EXOC4: variants seen among roughly 807,000 people sequenced by gnomAD.
EXOC4 encodes exocyst complex component 4, also known as SEC8-like 1.
In EXOC4, 71 loss-of-function variants were observed where a neutral mutation model predicts 107.2. That is an observed-to-expected ratio of 0.66 (90% CI 0.55 to 0.81). The LOEUF (loss-of-function observed/expected upper bound fraction) is 0.81, where lower values mean the gene tolerates loss of function less well. Among genes scored for constraint, EXOC4 ranks in the 30% least tolerant of loss-of-function variants. EXOC4 has a pLI of 0.00. For missense variants in EXOC4, 1,108 were observed against 1,189.6 expected (o/e 0.93, Z 1.01); for synonymous variants, 456 against 441.2 (o/e 1.03, Z -0.42).
At chr7:133,808,054 TTACAAA>T (rs1235042199) in intron 10 of EXOC4, among the ~76,000 whole-genome samples, 1 of 152,214 alleles carries the variant, frequency 6.6e-6, no homozygotes, top group Non-Finnish European at 1.5e-5. Flanking sequence ...ATTGCACACA[TTACAAA>T]TAAGAGCACC....
rs202236732 is a variant in EXOC4, at chr7:133,832,943, A to G, written c.1734+15399A>G. On this transcript the variant is annotated intron_variant, in intron 11 of 17. Coordinates refer to ENST00000253861, the MANE Select transcript of EXOC4 (RefSeq NM_021807.4). The stretch of plus-strand genomic sequence containing the variant: ...ATATAACATGTAAACTGTTGAATCT[A>G]CATAAGAAAAAGGCAAAAGTAAAAA... 1.8e-4 allele frequency among the ~76,000 whole-genome samples: 28 copies of G among 152,320 alleles called. No homozygotes were observed. In the East Asian group the frequency reaches 5.0e-3, roughly 27 times the overall value.
intron 10 of EXOC4, among the ~76,000 whole-genome samples, chr7:133,769,375 T>C (rs1014308402): frequency 2.0e-5 from 3 of 151,904 alleles, no homozygotes; most frequent in Admixed American, 2.0e-4. Context: ...ACCTACCCAG[T>C]GGTTAGGCTA....
chr7:133,460,742 TAGAC>T (rs1798572508), intron 7 of EXOC4, among the ~76,000 whole-genome samples: 1 of 152,150 alleles, frequency 6.6e-6, no homozygotes, highest in Non-Finnish European at 1.5e-5. Flanking sequence ...CCTTATTTCA[TAGAC>T]AGAATCTTGT....
chr7:133,547,499 T>A (rs1800504697), intron 9 of EXOC4, among the ~76,000 whole-genome samples: 1 of 152,030 alleles, frequency 6.6e-6, no homozygotes, highest in South Asian at 2.1e-4. Context: ...TTATGAAAAA[T>A]TTCTCTGTAG....
intron 9 of EXOC4, among the ~76,000 whole-genome samples, chr7:133,627,553 C>A (rs1022319200): frequency 6.6e-6 from 1 of 152,084 alleles, no homozygotes; most frequent in East Asian, 1.9e-4. Flanking sequence ...CTATACACAT[C>A]TCTTTCATGA....
At chr7:133,403,988 C>T (rs1310124141) in intron 7 of EXOC4, among the ~76,000 whole-genome samples, 1 of 152,174 alleles carries the variant, frequency 6.6e-6, no homozygotes, top group Admixed American at 6.5e-5. Flanking sequence ...GCACTGGTCT[C>T]TCTCCCTGGC....
intron 10 of EXOC4, among the ~76,000 whole-genome samples, chr7:133,746,016 G>C (rs1795669746): frequency 6.6e-6 from 1 of 151,946 alleles, no homozygotes; most frequent in Non-Finnish European, 1.5e-5. Context: ...TAAAACATTA[G>C]CTCAGCTTTG....
At chr7:133,870,483 T>G (rs1435639341) in intron 11 of EXOC4, among the ~76,000 whole-genome samples, 1 of 152,214 alleles carries the variant, frequency 6.6e-6, no homozygotes, top group Non-Finnish European at 1.5e-5. Context: ...TTTTTCTCAG[T>G]GCTACATCCA....
the EXOC4 span, among the ~76,000 whole-genome samples, chr7:134,084,110 G>A: frequency 6.6e-6 from 1 of 152,168 alleles, no homozygotes; most frequent in Non-Finnish European, 1.5e-5. Flanking sequence ...AAGGCCGTTT[G>A]CTGTGAAAGA....
intron 10 of EXOC4, among the ~76,000 whole-genome samples, chr7:133,720,656 A>G (rs973842007): frequency 6.6e-6 from 1 of 152,246 alleles, no homozygotes; most frequent in African/African-American, 2.4e-5. Context: ...ATAAATTTCA[A>G]GAGAGTCAGG....
At chr7:133,913,493 C>A (rs946190074) in intron 12 of EXOC4, among the ~76,000 whole-genome samples, 1 of 152,086 alleles carries the variant, frequency 6.6e-6, no homozygotes, top group Non-Finnish European at 1.5e-5. Flanking sequence ...TAGCAGTGAA[C>A]CTGGACAGGA....
intron 6 of EXOC4, among the ~76,000 whole-genome samples, chr7:133,369,223 C>T (rs1209045752): frequency 1.3e-5 from 2 of 152,178 alleles, no homozygotes; most frequent in African/African-American, 4.8e-5. Context: ...GATTTACATC[C>T]TGTTTATGTG....
intron 10 of EXOC4, among the ~76,000 whole-genome samples, chr7:133,779,334 C>T (rs1027870924): frequency 6.6e-6 from 1 of 151,954 alleles, no homozygotes; most frequent in Non-Finnish European, 1.5e-5. Context: ...CTCAATACTA[C>T]TAACTCTTAT....
intron 14 of EXOC4, among the ~76,000 whole-genome samples, chr7:133,963,854 C>T (rs1455262688): frequency 1.3e-5 from 2 of 152,126 alleles, no homozygotes; most frequent in African/African-American, 4.8e-5. Flanking sequence ...GGGCCATTAT[C>T]TACATAAGAC....
chr7:133,676,963 G>GTGTGTA (rs1290608209), intron 10 of EXOC4, among the ~76,000 whole-genome samples: 13 of 148,944 alleles, frequency 8.7e-5, no homozygotes, highest in Non-Finnish European at 1.5e-4. Context: ...GTGTATGTGT[G>GTGTGTA]TGTGTGTGTG....
chr7:133,330,030 C>T (rs1488789194), intron 5 of EXOC4, among the ~76,000 whole-genome samples: 1 of 152,178 alleles, frequency 6.6e-6, no homozygotes, highest in Non-Finnish European at 1.5e-5. Flanking sequence ...ACAGCTGCCC[C>T]TTCCCCTAGG....
At chr7:133,954,043 T>C (rs1376318617) in intron 14 of EXOC4, among the ~76,000 whole-genome samples, 1 of 152,260 alleles carries the variant, frequency 6.6e-6, no homozygotes, top group Non-Finnish European at 1.5e-5. Flanking sequence ...TTCAACATTT[T>C]GTAATATGTT....
chr7:133,600,730 T>G (rs1801786664), intron 9 of EXOC4, among the ~76,000 whole-genome samples: 1 of 152,252 alleles, frequency 6.6e-6, no homozygotes, highest in Admixed American at 6.5e-5. Flanking sequence ...TTGCCATCTT[T>G]GCCCTTTATT....
chr7:133,634,099 TTA>T (rs1802651638), intron 10 of EXOC4, among the ~76,000 whole-genome samples: 2 of 152,216 alleles, frequency 1.3e-5, no homozygotes, highest in South Asian at 4.1e-4. Flanking sequence ...TTATGCTGGT[TTA>T]TATATTCTCA....
Sources: allele counts gnomAD v4.1 joint callset (sites outside exome capture counted in the v4.1 genomes callset), GRCh38; gene constraint gnomAD v4.1.1; transcripts MANE v1.5; gene names NCBI Gene and HGNC (gene_info 2026-07-23, HGNC 2026-07-21).